Variants in ABLIM1 observed in about 807,000 individuals in gnomAD.
ABLIM1 encodes the protein actin binding LIM protein 1.
In ABLIM1, 40 loss-of-function variants were observed where a neutral mutation model predicts 107.0. That is an observed-to-expected ratio of 0.37 (90% CI 0.29 to 0.49). The LOEUF is 0.49. Ranked by LOEUF, ABLIM1 falls within the 20% of genes least tolerant of loss-of-function variation. The probability of loss-of-function intolerance (pLI) is 0.97; values close to 1 mark genes in which losing one functional copy is unlikely to be tolerated. For synonymous variants in ABLIM1, 357 were observed against 357.3 expected (o/e 1.00, Z 0.01); for missense variants, 857 against 1,008.5 (o/e 0.85, Z 2.04).
At chr10:114,479,309 T>G (rs571464623) in intron 8 of ABLIM1, among the ~76,000 whole-genome samples, 4 of 152,212 alleles carry the variant, frequency 2.6e-5, no homozygotes, top group African/African-American at 7.2e-5. Flanking sequence ...TTGCTCTTCA[T>G]GAATATTCCT....
chr10:114,480,832 G>A (rs1042099348), intron 8 of ABLIM1, among the ~76,000 whole-genome samples: 2 of 152,026 alleles, frequency 1.3e-5, no homozygotes, highest in Non-Finnish European at 2.9e-5. Context: ...TTTCAACAAC[G>A]ATTTTTACTT....
chr10:114,712,180 T>C (rs1319783083), intron 1 of ABLIM1, among the ~76,000 whole-genome samples: 7 of 151,824 alleles, frequency 4.6e-5, no homozygotes, highest in African/African-American at 1.7e-4. Context: ...TGGTGAAACC[T>C]GATCTCTACT....
At chr10:114,517,224 C>T (rs2062985872) in intron 6 of ABLIM1, among the ~76,000 whole-genome samples, 1 of 152,148 alleles carries the variant, frequency 6.6e-6, no homozygotes, top group Non-Finnish European at 1.5e-5. Flanking sequence ...GAAGGCCATC[C>T]TGGATTCAGG....
chr10:114,625,438 CTAAGGT>C (rs2077728077), intron 1 of ABLIM1, among the ~76,000 whole-genome samples: 1 of 152,132 alleles, frequency 6.6e-6, no homozygotes. Context: ...TTCACAGCTC[CTAAGGT>C]TGTTTTACAA....
intron 6 of ABLIM1, chr10:114,526,836 G>A (rs1482641136): frequency 1.0e-6 from 1 of 985,328 alleles, no homozygotes; most frequent in Non-Finnish European, 1.2e-6. Context: ...CCGAAGCTCG[G>A]CTAAGGCAAC....
intron 6 of ABLIM1, among the ~76,000 whole-genome samples, chr10:114,527,773 T>C (rs2064997497): frequency 6.6e-6 from 1 of 151,634 alleles, no homozygotes; most frequent in Non-Finnish European, 1.5e-5. Context: ...CAAGCGATTG[T>C]CCCACCTCAG....
chr10:114,549,557 C>T (rs2497721), intron 4 of ABLIM1, among the ~76,000 whole-genome samples: 118,059 of 151,932 alleles, frequency 0.78, 46,539 homozygotes, highest in African/African-American at 0.93. Context: ...GTATTTCTGG[C>T]GATCTTGGAC....
chr10:114,789,987 T>C, the ABLIM1 span, among the ~76,000 whole-genome samples: 46 of 152,340 alleles, frequency 3.0e-4, no homozygotes, highest in African/African-American at 1.1e-3. Context: ...GAGATGGCGT[T>C]TCGCCATGTT....
At chr10:114,655,511 T>C (rs1000733770) in intron 1 of ABLIM1, among the ~76,000 whole-genome samples, 6 of 152,318 alleles carry the variant, frequency 3.9e-5, no homozygotes, top group South Asian at 2.1e-4. Context: ...AAACATTCCA[T>C]AGAAGCATCG....
At chr10:114,514,298 CAAA>C (rs56189382) in intron 6 of ABLIM1, among the ~76,000 whole-genome samples, 3 of 119,964 alleles carry the variant, frequency 2.5e-5, no homozygotes, top group African/African-American at 2.9e-5. Context: ...GACTCTGTCT[CAAA>C]AAAAAAAAAA....
At chr10:114,685,917 T>C (rs2080923850), upstream of ABLIM1, among the ~76,000 whole-genome samples, 1 of 152,212 alleles carries the variant, frequency 6.6e-6, no homozygotes, top group Non-Finnish European at 1.5e-5. Context: ...TAGTTTTTCC[T>C]ACTCCTTTAA....
chr10:114,745,039 C>T lies in ABLIM1; in HGVS notation c.-213+23022G>A, dbSNP rs183819917. Among the ~76,000 whole-genome samples, 401 of 152,186 alleles carry T rather than the reference C, an allele frequency of 2.6e-3. 6 individuals carry two copies. The highest frequency in any genetic ancestry group is 9.2e-3 in the African/African-American group (384 of 41,524). On this transcript the variant is annotated intron_variant, in intron 1 of 15. Transcript: ENST00000651092. ...GCACCACAACCCCCGCTTCCCTCTC[C>T]CAGGTGCTCTCTCTCTCCTTCAGTC... is the stretch of plus-strand genomic sequence containing the variant.
the ABLIM1 span, chr10:114,779,561 T>C: frequency 2.0e-5 from 3 of 152,232 alleles, no homozygotes; most frequent in Non-Finnish European, 4.4e-5. Context: ...ATATACATTA[T>C]GTGTGTGTAC....
chr10:114,732,584 T>A (rs2082098881), intron 1 of ABLIM1, among the ~76,000 whole-genome samples: 1 of 152,228 alleles, frequency 6.6e-6, no homozygotes, highest in South Asian at 2.1e-4. Flanking sequence ...ATGAAATCTA[T>A]TCCATTTATT....
rs770620818 is a variant in ABLIM1, at chr10:114,447,894, G to A, written c.1721C>T (p.Ser574Leu). The stretch of plus-strand genomic sequence containing the variant: ...CAGTTGCATACCTACGACAGCAAAT[G>A]AGGGGGGACCAGGCCAGTGGTCCGT... ...IETDHWPGPPSFAVVGPDMKR... is the reference protein window; with the variant it reads ...IETDHWPGPPLFAVVGPDMKR... The change falls in exon 15 of 23, where the codon TCA becomes TTA. Residue 574 changes from serine to leucine, a missense_variant. Physicochemically the swap from Ser to Leu is moderately radical, Grantham distance 145. This residue lies in a region of ABLIM1 where 103 missense variants were observed against 101.0 expected (regional missense o/e 1.02). Coordinates refer to ENST00000533213, the MANE Select transcript of ABLIM1 (RefSeq NM_002313.7). 2 of 1,614,086 alleles carry A rather than the reference G, an allele frequency of 1.2e-6. No individual in the cohort carries two copies. The highest frequency in any genetic ancestry group is 1.7e-6 in the Non-Finnish European group (2 of 1,179,998).
chr10:114,487,804 C>G (rs190308039), intron 8 of ABLIM1, among the ~76,000 whole-genome samples, 154 bp downstream of exon 8: 2 of 152,268 alleles, frequency 1.3e-5, no homozygotes, highest in African/African-American at 4.8e-5. Flanking sequence ...AGAGGGGAAC[C>G]CTTTCCCTAG....
intron 15 of ABLIM1, among the ~76,000 whole-genome samples, chr10:114,447,444 A>G (rs1478782076): frequency 6.6e-6 from 1 of 152,232 alleles, no homozygotes; most frequent in Non-Finnish European, 1.5e-5. Context: ...AATTATAACT[A>G]CAACCCAGAA....
At chr10:114,674,289 C>CAAAA (rs58116385) in intron 1 of ABLIM1, among the ~76,000 whole-genome samples, 2 of 84,560 alleles carry the variant, frequency 2.4e-5, no homozygotes, top group African/African-American at 3.7e-5. Flanking sequence ...GACTCTGTCA[C>CAAAA]AAAAAAAAAA....
intron 4 of ABLIM1, among the ~76,000 whole-genome samples, chr10:114,563,892 G>C (rs1435321939): frequency 6.9e-6 from 1 of 144,190 alleles, no homozygotes; most frequent in African/African-American, 2.6e-5. Context: ...ACAATGCCTG[G>C]AACACAGTAG....
Sources: gnomAD v4.1 joint callset for allele counts (sites outside exome capture counted in the v4.1 genomes callset) on GRCh38, gnomAD v4.1.1 for gene constraint, gnomAD v4.1.1 regional missense constraint, MANE v1.5 for transcripts, NCBI Gene and HGNC (gene_info 2026-07-23, HGNC 2026-07-21) for gene names.